FXYD5: variants seen among roughly 807,000 people sequenced by gnomAD.
FXYD5 encodes FXYD domain-containing ion transport regulator 5.
FXYD5 carries 21 observed loss-of-function variants against 25.7 expected under a neutral mutation model. The ratio of observed to expected loss-of-function variants is 0.82; its 90% CI spans 0.58 to 1.18. The LOEUF is 1.18. Ranked by LOEUF, FXYD5 falls within the 50% of genes most tolerant of loss-of-function variation. The pLI, the probability that FXYD5 is intolerant of heterozygous loss-of-function variation, is 0.00. For synonymous variants in FXYD5, 101 were observed against 90.7 expected (o/e 1.11, Z -0.64); for missense variants, 229 against 227.7 (o/e 1.01, Z -0.04).
At chr19:35,158,010 G>A (rs933590250) in intron 3 of FXYD5, among the ~76,000 whole-genome samples, 1 of 152,196 alleles carries the variant, frequency 6.6e-6, no homozygotes, top group Non-Finnish European at 1.5e-5. Flanking sequence ...CCTAAAGGAA[G>A]TTCTGGGGGC....
At chr19:35,155,919 C>G (rs1326993053) in intron 2 of FXYD5, among the ~76,000 whole-genome samples, 2 of 152,228 alleles carry the variant, frequency 1.3e-5, no homozygotes, top group Non-Finnish European at 2.9e-5. Context: ...CGGTTTTCTA[C>G]TCAGCAGCCA....
chr19:35,160,875 T>C (rs2065398950), intron 5 of FXYD5, 74 bp downstream of exon 5: 2 of 913,710 alleles, frequency 2.2e-6, no homozygotes, highest in Non-Finnish European at 3.6e-6. Flanking sequence ...TTTCCCTCAG[T>C]ACGTTTCTCA....
At chr19:35,163,733 C>T (rs2065426047) in intron 5 of FXYD5, among the ~76,000 whole-genome samples, 1 of 152,126 alleles carries the variant, frequency 6.6e-6, no homozygotes, top group African/African-American at 2.4e-5. Flanking sequence ...CTGCCCGCCT[C>T]AGTCTCCCAA....
intron 1 of FXYD5, chr19:35,155,203 C>T: frequency 2.7e-6 from 1 of 368,810 alleles, no homozygotes; most frequent in Non-Finnish European, 5.0e-6. Context: ...CCCCAGTCCC[C>T]TCCTTGCGTC....
At chr19:35,157,650 G>C (rs528258506) in intron 3 of FXYD5, 149 bp downstream of exon 3, 1 of 547,796 alleles carries the variant, frequency 1.8e-6, no homozygotes, top group African/African-American at 1.9e-5. Flanking sequence ...TGATCTAGGT[G>C]CTCAAATGAT....
At chr19:35,169,526 T>C in intron 8 of FXYD5, 40 bp from the exon 9 acceptor site, 1 of 1,472,848 alleles carries the variant, frequency 6.8e-7, no homozygotes, top group Non-Finnish European at 9.5e-7. Flanking sequence ...AGAATCAATA[T>C]CACTCTAGCT....
At chr19:35,167,300 C>T (rs560484320) in intron 8 of FXYD5, among the ~76,000 whole-genome samples, 1 of 152,294 alleles carries the variant, frequency 6.6e-6, no homozygotes, top group African/African-American at 2.4e-5. Context: ...GAGGCACTGG[C>T]TTTGCAGGAG....
chr19:35,159,266 G>A (rs190603934), intron 4 of FXYD5, among the ~76,000 whole-genome samples: 267 of 152,220 alleles, frequency 1.8e-3, no homozygotes, highest in African/African-American at 4.8e-3. Flanking sequence ...CCCAATCCTC[G>A]TTCTCTCCCT....
At chr19:35,168,796 T>G (rs2065473155) in intron 8 of FXYD5, among the ~76,000 whole-genome samples, 1 of 152,116 alleles carries the variant, frequency 6.6e-6, no homozygotes, top group African/African-American at 2.4e-5. Flanking sequence ...GCCACAGTGG[T>G]TCACGTATGT....
intron 1 of FXYD5, 32 bp from the exon 2 acceptor site, chr19:35,155,519 A>T (rs770143392): frequency 1.2e-5 from 19 of 1,593,692 alleles, no homozygotes; most frequent in Non-Finnish European, 1.5e-5. Flanking sequence ...CACTGACATC[A>T]TGGCTGACCC....
At chr19:35,158,032 C>T (rs1276639857) in intron 3 of FXYD5, among the ~76,000 whole-genome samples, 1 of 152,178 alleles carries the variant, frequency 6.6e-6, no homozygotes, top group Non-Finnish European at 1.5e-5. Context: ...TTTATCAGAG[C>T]AGGTGCATTT....
At chr19:35,158,529 C>T (rs1183801078) in intron 4 of FXYD5, 129 bp downstream of exon 4, 9 of 649,226 alleles carry the variant, frequency 1.4e-5, no homozygotes, top group Non-Finnish European at 2.3e-5. Context: ...CCCTGGTTTA[C>T]TCTGGGTGGG....
chr19:35,166,404 C>T (rs1201747186), intron 8 of FXYD5, 79 bp downstream of exon 8: 3 of 908,752 alleles, frequency 3.3e-6, no homozygotes, highest in Non-Finnish European at 5.1e-6. Context: ...CTCAAAGGTC[C>T]CTGGGCAATT....
chr19:35,163,453 G>A (rs1399893871), intron 5 of FXYD5, among the ~76,000 whole-genome samples: 1 of 151,576 alleles, frequency 6.6e-6, no homozygotes, highest in Admixed American at 6.6e-5. Context: ...TTTCGGTCTG[G>A]GGGCAGAGGT....
chr19:35,166,372 A>C, intron 8 of FXYD5, 47 bp downstream of exon 8: 1 of 1,252,442 alleles, frequency 8.0e-7, no homozygotes, highest in Non-Finnish European at 1.1e-6. Flanking sequence ...CAGGAGGGGG[A>C]CTTATGACGG....
intron 2 of FXYD5, among the ~76,000 whole-genome samples, chr19:35,156,275 C>T (rs991538984): frequency 7.9e-5 from 12 of 152,156 alleles, no homozygotes; most frequent in Non-Finnish European, 1.8e-4. Flanking sequence ...GGTGCATGCC[C>T]CACTGAAGGC....
intron 8 of FXYD5, among the ~76,000 whole-genome samples, chr19:35,169,220 G>A (rs1410844803): frequency 1.3e-5 from 2 of 152,166 alleles, no homozygotes; most frequent in African/African-American, 4.8e-5. Flanking sequence ...ATTTGATTTT[G>A]TAATTTTTCT....
At chr19:35,167,179 A>G (rs2065457975) in intron 8 of FXYD5, among the ~76,000 whole-genome samples, 1 of 152,206 alleles carries the variant, frequency 6.6e-6, no homozygotes, top group Non-Finnish European at 1.5e-5. Flanking sequence ...TAACTGGAGA[A>G]AGTTTAATAG....
At chr19:35,155,723 C>T in intron 2 of FXYD5, 112 bp downstream of exon 2, 2 of 802,204 alleles carry the variant, frequency 2.5e-6, no homozygotes, top group Non-Finnish European at 2.1e-6. Context: ...GCCCTGTCAC[C>T]CTCCCGCTGA....
Sources: gnomAD v4.1 joint callset for allele counts (sites outside exome capture counted in the v4.1 genomes callset) on GRCh38, gnomAD v4.1.1 for gene constraint, MANE v1.5 for transcripts, NCBI Gene and HGNC (gene_info 2026-07-23, HGNC 2026-07-21) for gene names.